The following CP variants were observed in gnomAD, a reference collection of about 807,000 sequenced individuals.
The protein encoded by CP is ceruloplasmin.
A neutral mutation model predicts 122.4 loss-of-function variants in CP; 64 were observed. That is an observed-to-expected ratio of 0.52 (90% confidence interval 0.43 to 0.64). CP has a LOEUF of 0.64. Among genes scored for constraint, CP ranks in the 30% least tolerant of loss-of-function variants. The pLI is 0.00. For missense variants in CP, 1,167 were observed against 1,284.4 expected (o/e 0.91, Z 1.40); for synonymous variants, 440 against 436.4 (o/e 1.01, Z -0.10).
intron 18 of CP, among the ~76,000 whole-genome samples, chr3:149,175,423 T>A (rs1227629480): frequency 6.6e-6 from 1 of 152,196 alleles, no homozygotes; most frequent in Admixed American, 6.5e-5. Flanking sequence ...AAGGTTAACC[T>A]TTCAGGGCTT....
intron 1 of CP, among the ~76,000 whole-genome samples, chr3:149,220,694 A>G (rs759025889): frequency 7.9e-5 from 12 of 152,166 alleles, no homozygotes; most frequent in Non-Finnish European, 1.6e-4. Context: ...AGATTCAATA[A>G]TTACAAACTT....
intron 2 of CP, among the ~76,000 whole-genome samples, chr3:149,212,013 G>T (rs570301837): frequency 1.9e-4 from 29 of 152,208 alleles, no homozygotes; most frequent in African/African-American, 6.5e-4. Flanking sequence ...AAAATAGTTG[G>T]CCGGGTGCAG....
exon 6 of CP, chr3:149,162,851 C>G: frequency 6.2e-7 from 1 of 1,613,866 alleles, no homozygotes; most frequent in Non-Finnish European, 8.5e-7. Context: ...CTCCTGACAC[C>G]ACACCATTGC....
chr3:149,187,534 C>T (rs1181958213), intron 10 of CP, among the ~76,000 whole-genome samples: 1 of 152,024 alleles, frequency 6.6e-6, no homozygotes, highest in East Asian at 1.9e-4. Context: ...TTTTAAAAGC[C>T]CCCAGTTGAT....
At chr3:149,181,975 C>CGGGGGGGGGGGGGGCGG in intron 14 of CP, 30 bp downstream of exon 14, 8 of 1,088,426 alleles carry the variant, frequency 7.4e-6, no homozygotes, top group Non-Finnish European at 1.1e-5. Flanking sequence ...TGTTAAAATG[C>CGGGGGGGGGGGGGGCGG]ACCACCCCCA....
intron 5 of CP, among the ~76,000 whole-genome samples, chr3:149,164,322 G>A (rs184980971): frequency 4.6e-5 from 7 of 152,214 alleles, no homozygotes; most frequent in Admixed American, 2.0e-4. Context: ...CACATTTTAG[G>A]TCTCTAACCC....
Position 149,198,483 on chromosome 3 carries a change from C to T in CP, c.1597G>A (p.Val533Met), listed in dbSNP as rs907751232. 7 of 1,613,962 alleles carry T rather than the reference C, an allele frequency of 4.3e-6. No homozygotes were observed. Among genetic ancestry groups the T allele is most frequent in the African/African-American group, 2.7e-5 (2 of 74,916 alleles). ...KEVGPTNADPVCLAKMYYSAV... is the reference protein window; with the variant it reads ...KEVGPTNADPMCLAKMYYSAV... ...GAATAATACATCTTAGCTAGACACA[C>T]AGGATCTGCATTAGTGGGTCCTACT... The change falls in exon 9 of 19, where the codon GTG (valine) becomes ATG (methionine). Residue 533 changes from valine to methionine, a missense_variant. Val to Met is a conservative substitution (Grantham distance 21, BLOSUM62 1). Around this residue, in one of 2 missense-constraint regions of CP, gnomAD observed 525 missense variants for 657.2 expected, o/e 0.80. Transcript: ENST00000264613.
downstream of CP, among the ~76,000 whole-genome samples, chr3:149,171,872 T>G (rs1340648950): frequency 6.6e-6 from 1 of 151,688 alleles, no homozygotes; most frequent in East Asian, 1.9e-4. Flanking sequence ...GCCCGGCTAA[T>G]TTTTTTGTAT....
chr3:149,212,778 T>A, intron 1 of CP, 80 bp from the exon 2 acceptor site: 1 of 1,489,638 alleles, frequency 6.7e-7, no homozygotes, highest in Non-Finnish European at 9.1e-7. Context: ...AATAACATTA[T>A]AATTAGAGAA....
chr3:149,181,973 T>TGGGGGGGGGGGGGCG, intron 14 of CP, 32 bp downstream of exon 14: 1 of 1,375,572 alleles, frequency 7.3e-7, no homozygotes, highest in Non-Finnish European at 1.0e-6. Flanking sequence ...CCTGTTAAAA[T>TGGGGGGGGGGGGGCG]GCACCACCCC....
chr3:149,206,799 C>T (rs1378511754), intron 5 of CP, among the ~76,000 whole-genome samples: 1 of 152,060 alleles, frequency 6.6e-6, no homozygotes, highest in Non-Finnish European at 1.5e-5. Flanking sequence ...TTCTGTGGCC[C>T]AGAGCATATT....
chr3:149,206,025 T>A, intron 6 of CP, 143 bp downstream of exon 6: 1 of 767,758 alleles, frequency 1.3e-6, no homozygotes, highest in Non-Finnish European at 2.1e-6. Flanking sequence ...GACTCTTACA[T>A]CAAATACCTT....
chr3:149,217,570 G>C (rs982658743), intron 1 of CP, among the ~76,000 whole-genome samples: 2 of 152,168 alleles, frequency 1.3e-5, no homozygotes, highest in East Asian at 1.9e-4. Flanking sequence ...TCCCTGCCCA[G>C]AGGAGCATTG....
At chr3:149,180,674 C>T (rs574313600) in intron 14 of CP, among the ~76,000 whole-genome samples, 2 of 151,996 alleles carry the variant, frequency 1.3e-5, no homozygotes, top group African/African-American at 4.8e-5. Context: ...TGAGCTGTTC[C>T]TATGTCCTCA....
At position 149,198,533 on chromosome 3, in the gene CP, G is replaced by A. The variant is rs754696744; in HGVS notation, c.1547C>T (p.Thr516Ile). The change falls in exon 9 of 19, where the codon ACC becomes ATC. Residue 516 changes from threonine to isoleucine, a missense_variant. Coordinates refer to ENST00000264613, the MANE Select transcript of CP (RefSeq NM_000096.4). ...TTCTTTGGGGACAGTCCATTCATAG[G>A]TGAATGTTTCTGTGGGTGCCACATG... ...ASHVAPTETF[T>I]YEWTVPKEVG... 1 of 1,614,134 alleles carries A rather than the reference G, an allele frequency of 6.2e-7. No individual in the cohort carries two copies. The highest frequency in any genetic ancestry group is 8.5e-7 in the Non-Finnish European group (1 of 1,179,998).
chr3:149,181,975 C>CGGGTGG, intron 14 of CP, 30 bp downstream of exon 14: 1 of 1,088,426 alleles, frequency 9.2e-7, no homozygotes, highest in Non-Finnish European at 1.4e-6. Context: ...TGTTAAAATG[C>CGGGTGG]ACCACCCCCA....
Position 149,186,745 on chromosome 3 carries a change from G to A in CP, c.1865-13C>T. The A allele has an allele frequency of 6.2e-7, 1 of 1,612,216 alleles. No individual in the cohort carries two copies. Among genetic ancestry groups the A allele is most frequent in the African/African-American group, 1.3e-5 (1 of 74,964 alleles). On this transcript the variant is annotated splice_polypyrimidine_tract_variant and intron_variant, in intron 10 of 18. Coordinates refer to ENST00000264613, the MANE Select transcript of CP (RefSeq NM_000096.4). ...AATCCATTCATGGCTGTAAAAGTTG[G>A]GAAATAACATTTTGGAAGTGGTTTA... is the stretch of plus-strand genomic sequence containing the variant.
At chr3:149,174,243 C>A (rs540938497) in intron 18 of CP, among the ~76,000 whole-genome samples, 78 of 152,244 alleles carry the variant, frequency 5.1e-4, no homozygotes, top group African/African-American at 1.6e-3. Flanking sequence ...AGTACATGAT[C>A]CGGGATTTTC....
At chr3:149,212,075 G>C (rs780310348) in intron 2 of CP, among the ~76,000 whole-genome samples, 1 of 151,906 alleles carries the variant, frequency 6.6e-6, no homozygotes, top group South Asian at 2.1e-4. Flanking sequence ...GGGCAGATCA[G>C]GAGGTCAGGA....
Sources: gnomAD v4.1 joint callset for allele counts (sites outside exome capture counted in the v4.1 genomes callset) on GRCh38, gnomAD v4.1.1 for gene constraint, gnomAD v4.1.1 regional missense constraint, MANE v1.5 for transcripts, NCBI Gene and HGNC (gene_info 2026-07-23, HGNC 2026-07-21) for gene names.